GRM5: variants seen among roughly 807,000 people sequenced by gnomAD.
GRM5 encodes glutamate metabotropic receptor 5.
GRM5 carries 19 observed loss-of-function variants against 83.1 expected under a neutral mutation model. The observed-to-expected ratio is 0.23, with a 90% CI of 0.16 to 0.34. The LOEUF is 0.34. GRM5 is among the 10% of genes least tolerant of loss of function. GRM5 has a pLI of 1.00. For synonymous variants in GRM5, 675 were observed against 633.6 expected, an observed-to-expected ratio of 1.07 and a Z score of -0.98; for missense variants, 1,160 against 1,588.3, an observed-to-expected ratio of 0.73 and a Z score of 4.58.
intron 3 of GRM5, among the ~76,000 whole-genome samples, chr11:88,716,324 A>ACTGT (rs1941399652): frequency 6.6e-6 from 1 of 151,876 alleles, no homozygotes; most frequent in South Asian, 2.1e-4. Context: ...CACATAGTGA[A>ACTGT]CTGTCAGTGA....
chr11:88,624,513 A>C (rs1018656970), intron 4 of GRM5, among the ~76,000 whole-genome samples: 1 of 152,172 alleles, frequency 6.6e-6, no homozygotes, highest in Non-Finnish European at 1.5e-5. Context: ...AGGGAAACTG[A>C]AACAAGAAAC....
chr11:88,774,444 T>C (rs1314833399), intron 3 of GRM5, among the ~76,000 whole-genome samples: 6 of 152,166 alleles, frequency 3.9e-5, no homozygotes, highest in Non-Finnish European at 8.8e-5. Context: ...CCTTTATTTC[T>C]TTCTCTTGCC....
chr11:88,807,607 C>T (rs1245167162), intron 3 of GRM5, among the ~76,000 whole-genome samples: 1 of 152,002 alleles, frequency 6.6e-6, no homozygotes, highest in Non-Finnish European at 1.5e-5. Flanking sequence ...TGATGGTATG[C>T]CATCTTTTTG....
At chr11:88,682,934 GT>G (rs5793342) in intron 3 of GRM5, among the ~76,000 whole-genome samples, 104 of 141,740 alleles carry the variant, frequency 7.3e-4, no homozygotes, top group Admixed American at 1.2e-3. Context: ...AAACGGAATA[GT>G]TTTTTTTTTT....
At chr11:88,779,024 T>G (rs958897038) in intron 3 of GRM5, among the ~76,000 whole-genome samples, 2 of 152,238 alleles carry the variant, frequency 1.3e-5, no homozygotes, top group Non-Finnish European at 2.9e-5. Flanking sequence ...ATAAATAGCT[T>G]ACATAATTTA....
At chr11:88,625,818 A>C (rs1215640712) in intron 4 of GRM5, among the ~76,000 whole-genome samples, 3 of 152,222 alleles carry the variant, frequency 2.0e-5, no homozygotes, top group Admixed American at 6.5e-5. Flanking sequence ...CAAAAAAATC[A>C]GACAAACAGC....
chr11:88,591,969 G>A (rs1355549430), intron 6 of GRM5, among the ~76,000 whole-genome samples: 2 of 152,054 alleles, frequency 1.3e-5, no homozygotes, highest in Admixed American at 6.6e-5. Flanking sequence ...ATTTTCTTAG[G>A]GGAGAAAACT....
At chr11:88,622,627 C>T (rs1281233622) in intron 4 of GRM5, among the ~76,000 whole-genome samples, 1 of 152,158 alleles carries the variant, frequency 6.6e-6, no homozygotes, top group African/African-American at 2.4e-5. Context: ...AGACACCTGC[C>T]TTCTGACATC....
chr11:89,044,902 C>T (rs1941611665), intron 2 of GRM5, among the ~76,000 whole-genome samples: 1 of 151,180 alleles, frequency 6.6e-6, no homozygotes, highest in African/African-American at 2.4e-5. Flanking sequence ...CCCAACAAAG[C>T]TGTATCCTGT....
intron 2 of GRM5, among the ~76,000 whole-genome samples, chr11:88,941,797 T>G (rs1287826532): frequency 1.3e-5 from 2 of 152,060 alleles, no homozygotes; most frequent in Non-Finnish European, 2.9e-5. Flanking sequence ...TACCTACTGA[T>G]GCGATGATGT....
At chr11:88,551,750 A>G (rs1181022453) in intron 8 of GRM5, among the ~76,000 whole-genome samples, 1 of 152,108 alleles carries the variant, frequency 6.6e-6, no homozygotes, top group African/African-American at 2.4e-5. Flanking sequence ...AACTTTTCTT[A>G]CAGGGTTATT....
intron 3 of GRM5, among the ~76,000 whole-genome samples, chr11:88,732,792 C>G (rs1026916158): frequency 4.6e-5 from 7 of 151,984 alleles, no homozygotes; most frequent in African/African-American, 1.7e-4. Context: ...CTTCCATCCA[C>G]TTGACTGTCC....
intron 2 of GRM5, among the ~76,000 whole-genome samples, chr11:89,012,691 G>A (rs549744178): frequency 1.4e-4 from 21 of 152,076 alleles, no homozygotes; most frequent in Non-Finnish European, 2.1e-4. Flanking sequence ...TAAAGCTCTC[G>A]CAAAATTGAA....
In GRM5 at chr11:88,689,550, TA is replaced by T. The variant is rs1940727512; in HGVS notation, c.912-36148del. 2.0e-5 allele frequency among the ~76,000 whole-genome samples: 3 copies of T among 152,356 alleles called. 1 individual carries two copies. In the South Asian group the frequency reaches 6.2e-4, roughly 32 times the overall value. ...GTGTGAAGAACTTGTATACTGCAGA[TA>T]AACTGGCTAATTTTCTTAATTTGTC... is the stretch of plus-strand genomic sequence containing the variant. On this transcript the variant is annotated intron_variant, in intron 3 of 9. Transcript: ENST00000305447.
intron 3 of GRM5, among the ~76,000 whole-genome samples, chr11:88,737,939 G>C (rs1433713196): frequency 6.6e-6 from 1 of 151,936 alleles, no homozygotes; most frequent in Non-Finnish European, 1.5e-5. Context: ...TTTCCAACAA[G>C]TATACAATTC....
chr11:88,723,184 C>T (rs914618106), intron 3 of GRM5, among the ~76,000 whole-genome samples: 8 of 151,724 alleles, frequency 5.3e-5, no homozygotes, highest in Non-Finnish European at 1.2e-4. Context: ...TCTCAAGGCT[C>T]CTCCATGATT....
chr11:88,714,963 T>C (rs970921147), intron 3 of GRM5, among the ~76,000 whole-genome samples: 7 of 151,992 alleles, frequency 4.6e-5, no homozygotes, highest in African/African-American at 1.7e-4. Context: ...AAAAGGGACA[T>C]AGAATTATTT....
At chr11:88,700,894 TAAAC>T (rs1227637680) in intron 3 of GRM5, among the ~76,000 whole-genome samples, 1 of 152,144 alleles carries the variant, frequency 6.6e-6, no homozygotes, top group East Asian at 1.9e-4. Context: ...TAAGATGAAA[TAAAC>T]AGCTTTAACC....
chr11:88,873,902 C>T (rs1165909685), intron 2 of GRM5, among the ~76,000 whole-genome samples: 2 of 151,482 alleles, frequency 1.3e-5, no homozygotes, highest in African/African-American at 2.4e-5. Flanking sequence ...AATAAACATA[C>T]CACAGAAATA....
Sources: allele counts gnomAD v4.1 joint callset (sites outside exome capture counted in the v4.1 genomes callset), GRCh38; gene constraint gnomAD v4.1.1; transcripts MANE v1.5; gene names NCBI Gene and HGNC (gene_info 2026-07-23, HGNC 2026-07-21).